MTREX: variants seen among roughly 807,000 people sequenced by gnomAD.
The protein encoded by MTREX is exosome RNA helicase MTR4.
In MTREX, 76 loss-of-function variants were observed where a neutral mutation model predicts 135.4. The observed-to-expected ratio is 0.56, with a 90% CI of 0.47 to 0.68. The LOEUF is 0.68. MTREX is among the 30% of genes least tolerant of loss of function. The pLI is 0.00. For synonymous variants in MTREX, 404 were observed against 401.6 expected, an observed-to-expected ratio of 1.01 and a Z score of -0.07; for missense variants, 920 against 1,262.1, an observed-to-expected ratio of 0.73 and a Z score of 4.11.
At chr5:55,389,262 A>C (rs2111568581) in intron 19 of MTREX, among the ~76,000 whole-genome samples, 1 of 152,330 alleles carries the variant, frequency 6.6e-6, no homozygotes, top group East Asian at 1.9e-4. Flanking sequence ...AAGGGCCTTT[A>C]GGAGTTGTTG....
chr5:55,335,341 A>C (rs1231485352), intron 5 of MTREX, among the ~76,000 whole-genome samples: 1 of 152,040 alleles, frequency 6.6e-6, no homozygotes, highest in Non-Finnish European at 1.5e-5. Context: ...TAGATTGTTC[A>C]TGCAATTGGT....
intron 25 of MTREX, among the ~76,000 whole-genome samples, chr5:55,419,005 A>G (rs1368774199): frequency 1.3e-5 from 2 of 152,202 alleles, no homozygotes; most frequent in African/African-American, 4.8e-5. Context: ...CACCATGCCC[A>G]GCTAATTTTT....
At chr5:55,364,295 G>A (rs1365713246) in intron 15 of MTREX, among the ~76,000 whole-genome samples, 2 of 152,152 alleles carry the variant, frequency 1.3e-5, no homozygotes, top group East Asian at 1.9e-4. Context: ...GTTCAGTTCT[G>A]AGCCTCAGTA....
chr5:55,420,276 A>G (rs1751034134), intron 25 of MTREX, among the ~76,000 whole-genome samples: 1 of 152,244 alleles, frequency 6.6e-6, no homozygotes, highest in Non-Finnish European at 1.5e-5. Context: ...AGGGTATGCC[A>G]GAAAGCTGAA....
At chr5:55,387,089 T>TTAAAGGAATGTATGA (rs1750491999) in intron 18 of MTREX, among the ~76,000 whole-genome samples, 3 of 152,128 alleles carry the variant, frequency 2.0e-5, no homozygotes, top group African/African-American at 7.2e-5. Context: ...TAACCACATT[T>TTAAAGGAATGTATGA]TGAACTAATG....
chr5:55,322,792 T>A (rs1167348322), intron 2 of MTREX, among the ~76,000 whole-genome samples: 1 of 152,118 alleles, frequency 6.6e-6, no homozygotes, highest in Non-Finnish European at 1.5e-5. Flanking sequence ...AAGGAAAAAA[T>A]AAAGCTAACT....
rs574326043 is a variant in MTREX, at chr5:55,367,007, T to A, written c.1810+132T>A. On this transcript the variant is annotated intron_variant, in intron 16 of 26. Transcript: ENST00000230640. ...GTTCATACGTAATGGACTGCACAAC[T>A]GTAGTCTGGTCATTGTAACTGAATA... 9.8e-6 allele frequency: 6 copies of A among 609,964 alleles called. No homozygotes were observed. In the African/African-American group the frequency reaches 1.1e-4, roughly 11 times the overall value. The allele number at this position is 609,964 out of a possible 1,614,324, so 37.8% of individuals were successfully genotyped here. A position where few individuals can be genotyped will look rare whatever the true frequency, so the allele number is the denominator to read the frequency against.
chr5:55,337,094 A>G (rs1454574801), intron 5 of MTREX, among the ~76,000 whole-genome samples: 1 of 152,010 alleles, frequency 6.6e-6, no homozygotes, highest in Non-Finnish European at 1.5e-5. Flanking sequence ...TTTTAAAGCC[A>G]ATTTTGGTAA....
At chr5:55,407,893 G>GT (rs1750831039) in intron 22 of MTREX, among the ~76,000 whole-genome samples, 1 of 151,976 alleles carries the variant, frequency 6.6e-6, no homozygotes, top group African/African-American at 2.4e-5. Flanking sequence ...ACCTGGGACT[G>GT]TAAGTGTGTG....
chr5:55,394,318 A>G (rs1445688351), intron 19 of MTREX, among the ~76,000 whole-genome samples: 4 of 152,256 alleles, frequency 2.6e-5, no homozygotes, highest in African/African-American at 9.6e-5. Context: ...ACAGTGCATC[A>G]ACTGCTGGTT....
At chr5:55,390,228 G>C (rs1425184940) in intron 19 of MTREX, among the ~76,000 whole-genome samples, 3 of 151,804 alleles carry the variant, frequency 2.0e-5, no homozygotes, top group Non-Finnish European at 4.4e-5. Context: ...TCAACCTCCC[G>C]AGTAGCTGGG....
intron 18 of MTREX, among the ~76,000 whole-genome samples, chr5:55,379,809 G>T (rs1429952900): frequency 1.3e-5 from 2 of 152,226 alleles, no homozygotes; most frequent in Non-Finnish European, 2.9e-5. Flanking sequence ...GGAAAAGCTA[G>T]CATGCCTTTG....
At chr5:55,411,186 G>A (rs230773) in intron 23 of MTREX, among the ~76,000 whole-genome samples, 130,818 of 152,152 alleles carry the variant, frequency 0.86, 56,630 homozygotes, top group South Asian at 0.92. Context: ...GAAGTGCTGG[G>A]TGGAACACAT....
At chr5:55,407,369 G>T (rs908453207) in intron 22 of MTREX, among the ~76,000 whole-genome samples, 1 of 152,022 alleles carries the variant, frequency 6.6e-6, no homozygotes, top group Non-Finnish European at 1.5e-5. Context: ...TGCAGTACTG[G>T]TCTACTGATT....
At chr5:55,330,262 G>A (rs1749453449) in intron 5 of MTREX, among the ~76,000 whole-genome samples, 2 of 151,834 alleles carry the variant, frequency 1.3e-5, no homozygotes, top group East Asian at 1.9e-4. Flanking sequence ...TATTTGTGGA[G>A]ATGAAATCTC....
intron 18 of MTREX, among the ~76,000 whole-genome samples, chr5:55,386,330 GTTAGGAAGTAAAAA>G (rs1483773198): frequency 6.6e-6 from 1 of 152,084 alleles, no homozygotes; most frequent in Non-Finnish European, 1.5e-5. Context: ...CAGTTATACT[GTTAGGAAGTAAAAA>G]TTAGGACTTA....
chr5:55,410,772 A>T, intron 23 of MTREX, 143 bp downstream of exon 23: 1 of 474,694 alleles, frequency 2.1e-6, no homozygotes, highest in Non-Finnish European at 3.7e-6. Context: ...TTTAACACAA[A>T]TGTACTAAGA....
At chr5:55,334,896 T>C (rs1441345568) in intron 5 of MTREX, among the ~76,000 whole-genome samples, 4 of 152,116 alleles carry the variant, frequency 2.6e-5, no homozygotes, top group Non-Finnish European at 5.9e-5. Flanking sequence ...ATGGCAAATA[T>C]GTATTTAACT....
intron 19 of MTREX, 93 bp downstream of exon 19, chr5:55,388,195 TATC>T: frequency 9.3e-7 from 1 of 1,079,094 alleles, no homozygotes; most frequent in Non-Finnish European, 1.3e-6. Flanking sequence ...ATGAACATAC[TATC>T]ATGATTTCTA....
Sources: gnomAD v4.1 joint callset for allele counts (sites outside exome capture counted in the v4.1 genomes callset) on GRCh38, gnomAD v4.1.1 for gene constraint, MANE v1.5 for transcripts, NCBI Gene and HGNC (gene_info 2026-07-23, HGNC 2026-07-21) for gene names.